Variants in LARGE1 observed in about 807,000 individuals in gnomAD.
The protein encoded by LARGE1 is LARGE xylosyl- and glucuronyltransferase 1.
A neutral mutation model predicts 87.6 loss-of-function variants in LARGE1; 43 were observed. That is an observed-to-expected ratio of 0.49 (90% CI 0.38 to 0.63). The LOEUF is 0.63. LARGE1 is among the 30% of genes least tolerant of loss of function. The probability of loss-of-function intolerance (pLI) is 0.00; values close to 1 mark genes in which losing one functional copy is unlikely to be tolerated. For synonymous variants in LARGE1, 434 were observed against 394.6 expected (o/e 1.10, Z -1.18); for missense variants, 802 against 1,000.2 (o/e 0.80, Z 2.67).
intron 2 of LARGE1, among the ~76,000 whole-genome samples, chr22:33,722,367 A>AAAGGAAAGG (rs374440161): frequency 1.4e-5 from 2 of 147,344 alleles, no homozygotes; most frequent in Non-Finnish European, 1.5e-5. Flanking sequence ...GAGAGAGAAG[A>AAAGGAAAGG]AAGGAAAGGA....
intron 10 of LARGE1, among the ~76,000 whole-genome samples, chr22:33,323,568 C>T (rs968504012): frequency 1.9e-4 from 29 of 151,900 alleles, no homozygotes; most frequent in African/African-American, 5.1e-4. Context: ...GTGGAAGACA[C>T]AATGTTCCAT....
At chr22:33,409,113 G>A (rs1222420940) in intron 7 of LARGE1, among the ~76,000 whole-genome samples, 1 of 152,160 alleles carries the variant, frequency 6.6e-6, no homozygotes, top group Non-Finnish European at 1.5e-5. Context: ...AGTCCCATAG[G>A]GCTCTGCCAA....
chr22:33,315,414 T>C (rs901412590), intron 11 of LARGE1, among the ~76,000 whole-genome samples: 1 of 152,196 alleles, frequency 6.6e-6, no homozygotes, highest in African/African-American at 2.4e-5. Flanking sequence ...GCTTCATCAA[T>C]ACACATAGAA....
chr22:33,893,569 A>G (rs2065058920), intron 1 of LARGE1, among the ~76,000 whole-genome samples: 1 of 152,208 alleles, frequency 6.6e-6, no homozygotes, highest in Non-Finnish European at 1.5e-5. Flanking sequence ...GTTATCGGAG[A>G]GCCACAATTT....
intron 11 of LARGE1, among the ~76,000 whole-genome samples, chr22:33,219,220 A>G (rs137461): frequency 0.43 from 65,298 of 152,056 alleles, 17,809 homozygotes; most frequent in African/African-American, 0.79. Context: ...TCAGACTGAG[A>G]AAAGCTTATT....
intron 12 of LARGE1, among the ~76,000 whole-genome samples, chr22:33,303,192 G>A (rs888863042): frequency 3.3e-5 from 5 of 152,130 alleles, no homozygotes; most frequent in Admixed American, 3.3e-4. Context: ...TCCATTAGCC[G>A]AGTGCTTTCT....
intron 6 of LARGE1, among the ~76,000 whole-genome samples, chr22:33,477,380 A>G (rs563392757): frequency 1.8e-4 from 27 of 152,374 alleles, no homozygotes; most frequent in African/African-American, 5.5e-4. Context: ...TATGCCGTCT[A>G]AAGATGCTTT....
chr22:33,067,248 T>C, the LARGE1 span, among the ~76,000 whole-genome samples: 1 of 152,082 alleles, frequency 6.6e-6, no homozygotes, highest in Non-Finnish European at 1.5e-5. Flanking sequence ...CTGCTTGGTC[T>C]ATAAAATGCT....
intron 1 of LARGE1, among the ~76,000 whole-genome samples, chr22:33,883,114 G>A (rs1163430689): frequency 1.3e-5 from 2 of 152,158 alleles, no homozygotes; most frequent in African/African-American, 2.4e-5. Context: ...GGAAGCTGCT[G>A]TTATCTTTAC....
At chr22:33,369,859 G>T (rs906408899) in intron 9 of LARGE1, among the ~76,000 whole-genome samples, 5 of 151,832 alleles carry the variant, frequency 3.3e-5, no homozygotes, top group Admixed American at 2.0e-4. Context: ...GTGAGCCACT[G>T]TGCCTGGCCT....
At chr22:33,667,217 C>T (rs946179745) in intron 2 of LARGE1, among the ~76,000 whole-genome samples, 5 of 152,232 alleles carry the variant, frequency 3.3e-5, no homozygotes, top group Admixed American at 2.0e-4. Flanking sequence ...AAGAAGGCTT[C>T]CATCCTTCTC....
At chr22:33,221,778 C>G (rs1925468063) in intron 11 of LARGE1, 1 of 152,188 alleles carries the variant, frequency 6.6e-6, no homozygotes, top group Non-Finnish European at 1.5e-5. Flanking sequence ...TTGGGTTGAC[C>G]CAGATATGAA....
exon 12 of LARGE1, chr22:33,164,239 T>G (rs993685773): frequency 3.9e-5 from 6 of 152,200 alleles, no homozygotes; most frequent in Non-Finnish European, 7.3e-5. Context: ...GATGTCTGAC[T>G]TTTCGCTTTG....
chr22:33,533,399 G>C (rs2076952196), intron 6 of LARGE1, among the ~76,000 whole-genome samples: 1 of 152,008 alleles, frequency 6.6e-6, no homozygotes, highest in Non-Finnish European at 1.5e-5. Context: ...TTTTCAATTA[G>C]CTAGACAATG....
intron 1 of LARGE1, among the ~76,000 whole-genome samples, chr22:33,872,916 C>G (rs1162765278): frequency 6.6e-6 from 1 of 152,126 alleles, no homozygotes; most frequent in African/African-American, 2.4e-5. Context: ...AGGAGAATTG[C>G]CTGAACCCAT....
chr22:33,265,172 T>C (rs1378424188), intron 11 of LARGE1, among the ~76,000 whole-genome samples: 12 of 152,134 alleles, frequency 7.9e-5, no homozygotes, highest in Non-Finnish European at 1.5e-4. Context: ...CCGAAAGTGC[T>C]GGGATTACAG....
At position 33,378,383 on chromosome 22, in the gene LARGE1, G is replaced by C. The variant is rs113902135; in HGVS notation, c.1131+3536C>G. ...TCTACTGTCTTCTTCTACACTCTGA[G>C]TTTTATTAACTGTTTATCCGCTGAG... On this transcript the variant is annotated intron_variant, in intron 9 of 14. Coordinates refer to ENST00000397394, the MANE Select transcript of LARGE1 (RefSeq NM_133642.5). Among the ~76,000 whole-genome samples the C allele has an allele frequency of 1.5e-3, 228 of 152,278 alleles. 1 individual carries two copies. The highest frequency in any genetic ancestry group is 4.9e-3 in the African/African-American group (204 of 41,558).
At chr22:33,080,968 T>G in the LARGE1 span, among the ~76,000 whole-genome samples, 1 of 150,068 alleles carries the variant, frequency 6.7e-6, no homozygotes. Context: ...CATCCATCCA[T>G]CCATCCATCC....
intron 2 of LARGE1, among the ~76,000 whole-genome samples, chr22:33,740,478 A>G (rs1033241924): frequency 7.2e-5 from 11 of 152,344 alleles, no homozygotes; most frequent in Admixed American, 2.6e-4. Context: ...TTATCTTCAG[A>G]AAAGGTCATT....
Sources: allele counts gnomAD v4.1 joint callset (sites outside exome capture counted in the v4.1 genomes callset), GRCh38; gene constraint gnomAD v4.1.1; transcripts MANE v1.5; gene names NCBI Gene and HGNC (gene_info 2026-07-23, HGNC 2026-07-21).